Variants in RGS6 observed in about 807,000 individuals in gnomAD.
The protein encoded by RGS6 is regulator of G-protein signaling 6.
RGS6 carries 30 observed loss-of-function variants against 78.5 expected under a neutral mutation model. The ratio of observed to expected loss-of-function variants is 0.38; its 90% CI spans 0.29 to 0.52. The LOEUF is 0.52. Among genes scored for constraint, RGS6 ranks in the 20% least tolerant of loss-of-function variants. The pLI, the probability that RGS6 is intolerant of heterozygous loss-of-function variation, is 0.85. For missense variants in RGS6, 495 were observed against 609.7 expected (o/e 0.81, Z 1.98); for synonymous variants, 206 against 206.0 (o/e 1.00, Z 0.00).
intron 2 of RGS6, among the ~76,000 whole-genome samples, chr14:72,002,168 C>T (rs1470149497): frequency 6.6e-6 from 1 of 152,044 alleles, no homozygotes; most frequent in Non-Finnish European, 1.5e-5. Context: ...GGATTACAGA[C>T]GTGAGCCACT....
At chr14:72,586,518 C>A in the RGS6 span, among the ~76,000 whole-genome samples, 34 of 152,318 alleles carry the variant, frequency 2.2e-4, no homozygotes, top group African/African-American at 7.7e-4. Context: ...AAATAAACCT[C>A]TTTTCTTTAT....
intron 3 of RGS6, among the ~76,000 whole-genome samples, chr14:72,415,144 G>C (rs974378936): frequency 6.6e-6 from 1 of 152,256 alleles, no homozygotes; most frequent in Non-Finnish European, 1.5e-5. Context: ...AGAGGTGGAG[G>C]CTGCAGAGGC....
At chr14:72,078,839 A>G (rs2094699620) in intron 2 of RGS6, among the ~76,000 whole-genome samples, 1 of 152,048 alleles carries the variant, frequency 6.6e-6, no homozygotes, top group Non-Finnish European at 1.5e-5. Context: ...TCACGGTTTT[A>G]GCTTATATTT....
At chr14:72,268,337 A>G (rs751189677) in intron 2 of RGS6, among the ~76,000 whole-genome samples, 2 of 152,142 alleles carry the variant, frequency 1.3e-5, no homozygotes, top group Non-Finnish European at 2.9e-5. Context: ...CCATTCTGTA[A>G]TGTTTTCTTT....
intron 17 of RGS6, 75 bp downstream of exon 17, chr14:72,540,169 T>C: frequency 1.3e-6 from 2 of 1,525,934 alleles, no homozygotes; most frequent in Non-Finnish European, 8.8e-7. Context: ...TTTTTTTTTT[T>C]TTCCCTTTGG....
At chr14:71,963,253 C>T (rs1207702307) in intron 1 of RGS6, among the ~76,000 whole-genome samples, 2 of 152,294 alleles carry the variant, frequency 1.3e-5, no homozygotes, top group African/African-American at 4.8e-5. Flanking sequence ...AGTGTCATAC[C>T]AAGGATTGAA....
At chr14:72,000,826 T>C (rs1007769287) in intron 2 of RGS6, among the ~76,000 whole-genome samples, 5 of 152,170 alleles carry the variant, frequency 3.3e-5, no homozygotes, top group African/African-American at 4.8e-5. Context: ...GAGAGCTGTT[T>C]AGTGTGTGTT....
chr14:72,004,050 AT>A (rs1187896307), intron 2 of RGS6, among the ~76,000 whole-genome samples: 1 of 152,160 alleles, frequency 6.6e-6, no homozygotes, highest in African/African-American at 2.4e-5. Context: ...GCCTGATTTA[AT>A]TGGTATGGGG....
chr14:72,596,612 C>A, the RGS6 span, among the ~76,000 whole-genome samples: 1 of 152,102 alleles, frequency 6.6e-6, no homozygotes, highest in African/African-American at 2.4e-5. Context: ...AATAGAGCTG[C>A]CCAGAGGAAG....
chr14:72,555,038 G>A (rs1258593870), intron 17 of RGS6, among the ~76,000 whole-genome samples: 1 of 152,226 alleles, frequency 6.6e-6, no homozygotes, highest in African/African-American at 2.4e-5. Flanking sequence ...AGAGATGCCA[G>A]GAACACCAGC....
chr14:72,272,202 G>T (rs2060049977), intron 2 of RGS6, among the ~76,000 whole-genome samples: 1 of 152,174 alleles, frequency 6.6e-6, no homozygotes, highest in Non-Finnish European at 1.5e-5. Context: ...AAGTACCAGA[G>T]ATGTGTACTC....
Position 72,005,467 on chromosome 14 carries a change from A to ATCTATCTATCTATCTG in RGS6, c.84+40593_84+40594insCTATCTATCTATCTGT, listed in dbSNP as rs1555428453. On this transcript the variant is annotated intron_variant, in intron 2 of 17. Transcript: ENST00000553525. ...TATCTATCTATCTATCTATCTATCT[A>ATCTATCTATCTATCTG]TATCTCCCTATTCATTCAGCAACCT... Among the ~76,000 whole-genome samples, 544 of 151,286 alleles carry ATCTATCTATCTATCTG rather than the reference A, an allele frequency of 3.6e-3. 1 individual carries two copies. Among genetic ancestry groups the ATCTATCTATCTATCTG allele is most frequent in the African/African-American group, 0.011 (463 of 41,212 alleles).
intron 2 of RGS6, among the ~76,000 whole-genome samples, chr14:72,269,900 G>T (rs2059673346): frequency 6.6e-6 from 1 of 152,112 alleles, no homozygotes; most frequent in East Asian, 1.9e-4. Flanking sequence ...TATGGGCTTA[G>T]TTCCTCATGT....
chr14:72,626,465 CTTA>C, the RGS6 span, among the ~76,000 whole-genome samples: 1 of 152,152 alleles, frequency 6.6e-6, no homozygotes, highest in African/African-American at 2.4e-5. Context: ...TGCTTTTTTA[CTTA>C]ATATATTCTG....
At chr14:72,387,508 C>T (rs960649489) in intron 3 of RGS6, among the ~76,000 whole-genome samples, 17 of 151,476 alleles carry the variant, frequency 1.1e-4, no homozygotes, top group African/African-American at 4.1e-4. Context: ...GAGATCGCAC[C>T]ACTGGACTCC....
intron 17 of RGS6, among the ~76,000 whole-genome samples, chr14:72,556,902 T>C (rs1599140033): frequency 6.6e-6 from 1 of 152,226 alleles, no homozygotes; most frequent in African/African-American, 2.4e-5. Flanking sequence ...GTTTGTGATA[T>C]AGCTTCCTAT....
chr14:72,433,181 C>G (rs1223632824), intron 3 of RGS6, among the ~76,000 whole-genome samples: 1 of 152,158 alleles, frequency 6.6e-6, no homozygotes, highest in Non-Finnish European at 1.5e-5. Context: ...TTCTGGATCA[C>G]CTGTCCCCAG....
chr14:72,548,342 T>TGTGTGTGTGTGTGTGTGTGTGTGTGCGC (rs796698263), intron 17 of RGS6, among the ~76,000 whole-genome samples: 27 of 134,824 alleles, frequency 2.0e-4, no homozygotes, highest in African/African-American at 7.6e-4. Context: ...TGTGTGTGTG[T>TGTGTGTGTGTGTGTGTGTGTGTGTGCGC]GCGCGCGTGT....
At chr14:72,072,858 A>G (rs2094454715) in intron 2 of RGS6, among the ~76,000 whole-genome samples, 1 of 152,232 alleles carries the variant, frequency 6.6e-6, no homozygotes, top group African/African-American at 2.4e-5. Context: ...AGCAATAGGT[A>G]TCGTGCTGTC....
Sources: allele counts gnomAD v4.1 joint callset (sites outside exome capture counted in the v4.1 genomes callset), GRCh38; gene constraint gnomAD v4.1.1; transcripts MANE v1.5; gene names NCBI Gene and HGNC (gene_info 2026-07-23, HGNC 2026-07-21).